The following PTPRR variants were observed in gnomAD, a reference collection of about 807,000 sequenced individuals.
PTPRR encodes protein tyrosine phosphatase receptor type R, also known as receptor-type tyrosine-protein phosphatase R.
In PTPRR, 38 loss-of-function variants were observed where a neutral mutation model predicts 77.2. The ratio of observed to expected loss-of-function variants is 0.49; its 90% confidence interval spans 0.38 to 0.65. PTPRR has a LOEUF of 0.65. PTPRR is among the 30% of genes least tolerant of loss of function. The pLI is 0.00. For missense variants in PTPRR, 744 were observed against 799.2 expected (o/e 0.93, Z 0.83); for synonymous variants, 299 against 283.1 (o/e 1.06, Z -0.57).
chr12:70,872,171 A>C (rs1892968858), intron 2 of PTPRR, among the ~76,000 whole-genome samples: 1 of 152,164 alleles, frequency 6.6e-6, no homozygotes, highest in Admixed American at 6.5e-5. Context: ...TAAAAATGTA[A>C]ACAGAAATTA....
intron 2 of PTPRR, among the ~76,000 whole-genome samples, chr12:70,847,796 T>G (rs566855680): frequency 6.6e-6 from 1 of 152,266 alleles, no homozygotes; most frequent in South Asian, 2.1e-4. Context: ...CCAGAAAGAC[T>G]CAACACAATA....
chr12:70,735,714 G>A (rs775616208), intron 6 of PTPRR, among the ~76,000 whole-genome samples: 1 of 152,124 alleles, frequency 6.6e-6, no homozygotes, highest in African/African-American at 2.4e-5. Flanking sequence ...TTATTTCTTT[G>A]TGACATTGAG....
At chr12:70,722,564 C>A (rs1023713800) in intron 6 of PTPRR, among the ~76,000 whole-genome samples, 1 of 152,066 alleles carries the variant, frequency 6.6e-6, no homozygotes, top group Non-Finnish European at 1.5e-5. Context: ...GGAGGTCATC[C>A]GGCTTGACTT....
At chr12:70,715,708 G>A (rs1012046643) in intron 6 of PTPRR, among the ~76,000 whole-genome samples, 6 of 152,150 alleles carry the variant, frequency 3.9e-5, no homozygotes, top group East Asian at 3.9e-4. Flanking sequence ...GCTCTGCTCC[G>A]CCCGGCTCAC....
At chr12:70,662,629 A>G in intron 10 of PTPRR, 24 bp from the exon 11 acceptor site, 5 of 1,409,386 alleles carry the variant, frequency 3.5e-6, no homozygotes, top group Non-Finnish European at 5.0e-6. Flanking sequence ...AAGAGAATAC[A>G]GCAAATATTA....
chr12:70,658,121 TTTTGCTGTC>T (rs1422995258), intron 12 of PTPRR, among the ~76,000 whole-genome samples: 3 of 152,210 alleles, frequency 2.0e-5, no homozygotes, highest in Admixed American at 2.0e-4. Context: ...GCCTTATGTA[TTTTGCTGTC>T]TTCCCTCCCG....
chr12:70,669,875 C>T (rs12579538), intron 10 of PTPRR, among the ~76,000 whole-genome samples: 11,678 of 152,188 alleles, frequency 0.077, 679 homozygotes, highest in Admixed American at 0.15. Context: ...GCTGGGATTA[C>T]AATGGAACAT....
intron 2 of PTPRR, among the ~76,000 whole-genome samples, chr12:70,818,235 C>CAA (rs34025995): frequency 1.5e-3 from 102 of 68,518 alleles, no homozygotes; most frequent in Middle Eastern, 7.6e-3. Flanking sequence ...AACTCCGTCT[C>CAA]AAAAAAAAAA....
rs1890194853 is a variant in PTPRR, at chr12:70,745,838, C to T, written c.987G>A (p.Lys329=). The change falls in exon 6 of 14, where the codon AAG becomes AAA. Residue 329 remains lysine (K), a synonymous_variant. Transcript: ENST00000283228. The part of the protein sequence containing the change: ...TSVCPSPFKM[K]PIGLQERRGS... The stretch of plus-strand genomic sequence containing the variant: ...CTTACCTCTCTTGAAGTCCTATGGG[C>T]TTCATTTTGAAAGGAGAAGGGCAAA... 6.2e-7 allele frequency: 1 copy of T among 1,614,010 alleles called. No homozygotes were observed. The highest frequency in any genetic ancestry group is 8.5e-7 in the Non-Finnish European group (1 of 1,179,996).
At chr12:70,898,357 C>T (rs1893470865) in intron 1 of PTPRR, among the ~76,000 whole-genome samples, 1 of 148,106 alleles carries the variant, frequency 6.8e-6, no homozygotes, top group African/African-American at 2.5e-5. Context: ...AATATATGCA[C>T]TTTTAAAAAG....
At chr12:70,748,589 A>T (rs1433680087) in intron 5 of PTPRR, among the ~76,000 whole-genome samples, 2 of 152,200 alleles carry the variant, frequency 1.3e-5, no homozygotes, top group African/African-American at 4.8e-5. Context: ...TGTAAAACTC[A>T]AACTATAGCA....
chr12:70,674,633 A>C (rs2136706147), intron 10 of PTPRR, among the ~76,000 whole-genome samples: 1 of 152,292 alleles, frequency 6.6e-6, no homozygotes, highest in Non-Finnish European at 1.5e-5. Flanking sequence ...AAATTTGCCA[A>C]GACTTGCTAT....
chr12:70,893,259 C>T (rs1044891752), intron 1 of PTPRR, among the ~76,000 whole-genome samples: 4 of 151,962 alleles, frequency 2.6e-5, no homozygotes, highest in African/African-American at 9.7e-5. Context: ...GAAATTTCCT[C>T]CTTTATCTAC....
At chr12:70,855,740 T>C (rs1020299138) in intron 2 of PTPRR, among the ~76,000 whole-genome samples, 1 of 152,222 alleles carries the variant, frequency 6.6e-6, no homozygotes. Context: ...TCAGAAACTT[T>C]AGCATACTAT....
intron 10 of PTPRR, chr12:70,672,758 C>T: frequency 6.4e-7 from 1 of 1,555,116 alleles, no homozygotes; most frequent in Non-Finnish European, 8.7e-7. Context: ...GGGACCTCCC[C>T]AGGTGTTGGT....
At chr12:70,719,527 G>A (rs201525043) in intron 6 of PTPRR, among the ~76,000 whole-genome samples, 3,377 of 86,940 alleles carry the variant, frequency 0.039, 60 homozygotes, top group East Asian at 0.21. Context: ...AGGAAGGGGA[G>A]CAAAAGGGCA....
At chr12:70,769,056 C>A (rs1890902592) in intron 2 of PTPRR, among the ~76,000 whole-genome samples, 1 of 138,602 alleles carries the variant, frequency 7.2e-6, no homozygotes, top group Admixed American at 7.0e-5. Context: ...CAATATCATA[C>A]TGAATGGGCA....
chr12:70,902,301 A>G (rs1334225032), intron 1 of PTPRR, among the ~76,000 whole-genome samples: 1 of 151,840 alleles, frequency 6.6e-6, no homozygotes, highest in Non-Finnish European at 1.5e-5. Context: ...TGATTCAGCA[A>G]TCCCACTACT....
chr12:70,697,264 C>T (rs1888261944), intron 8 of PTPRR, among the ~76,000 whole-genome samples: 2 of 152,040 alleles, frequency 1.3e-5, no homozygotes, highest in Admixed American at 1.3e-4. Context: ...TTATAGTTAT[C>T]CTCATGGATA....
Sources: gnomAD v4.1 joint callset for allele counts (sites outside exome capture counted in the v4.1 genomes callset) on GRCh38, gnomAD v4.1.1 for gene constraint, MANE v1.5 for transcripts, NCBI Gene and HGNC (gene_info 2026-07-23, HGNC 2026-07-21) for gene names.